DLGAP2: variants seen among roughly 807,000 people sequenced by gnomAD.
DLGAP2 encodes disks large-associated protein 2.
In DLGAP2, 26 loss-of-function variants were observed where a neutral mutation model predicts 100.3. The observed-to-expected ratio is 0.26, with a 90% CI of 0.19 to 0.36. DLGAP2 has a LOEUF of 0.36. Among genes scored for constraint, DLGAP2 ranks in the 10% least tolerant of loss-of-function variants. DLGAP2 has a pLI of 1.00. For missense variants in DLGAP2, 1,858 were observed against 1,453.2 expected (o/e 1.28, Z -4.53); for synonymous variants, 886 against 630.1 (o/e 1.41, Z -6.08).
intron 2 of DLGAP2, among the ~76,000 whole-genome samples, chr8:1,117,725 C>T (rs1805161887): frequency 6.6e-6 from 1 of 152,140 alleles, no homozygotes; most frequent in Admixed American, 6.5e-5. Flanking sequence ...GTTCTCCAGA[C>T]CAGGACTCTT....
chr8:786,593 A>G (rs1459184280), intron 1 of DLGAP2, among the ~76,000 whole-genome samples: 1 of 152,008 alleles, frequency 6.6e-6, no homozygotes, highest in Non-Finnish European at 1.5e-5. Flanking sequence ...CAGTTCCCTC[A>G]GAGACCCAGG....
chr8:765,238 T>C (rs1356077428), intron 1 of DLGAP2, among the ~76,000 whole-genome samples: 2 of 152,230 alleles, frequency 1.3e-5, no homozygotes, highest in Non-Finnish European at 2.9e-5. Context: ...AAAACCCTAA[T>C]ATGAGCTATA....
At chr8:1,506,588 T>C (rs961902416) in intron 4 of DLGAP2, among the ~76,000 whole-genome samples, 4 of 152,194 alleles carry the variant, frequency 2.6e-5, no homozygotes, top group Non-Finnish European at 5.9e-5. Context: ...GCATCCACAC[T>C]GCCCAAGACG....
chr8:1,336,897 A>C (rs1213295551), intron 3 of DLGAP2, among the ~76,000 whole-genome samples: 1 of 152,240 alleles, frequency 6.6e-6, no homozygotes, highest in South Asian at 2.1e-4. Context: ...TCAGAAAAAC[A>C]TGCTTTTCAC....
intron 3 of DLGAP2, among the ~76,000 whole-genome samples, chr8:1,308,952 GA>G (rs1800552631): frequency 6.6e-6 from 1 of 152,062 alleles, no homozygotes; most frequent in Admixed American, 6.5e-5. Context: ...ACATTCTGGA[GA>G]AAAATAAATG....
intron 2 of DLGAP2, among the ~76,000 whole-genome samples, chr8:1,023,900 T>TGTGTGTGTGC (rs1428174813): frequency 2.7e-5 from 4 of 146,764 alleles, no homozygotes; most frequent in Admixed American, 6.8e-5. Context: ...TGTGTGTGTG[T>TGTGTGTGTGC]AGTTTGCTTC....
chr8:1,023,857 ATGTGTGTGTGTGTGTGTGTG>A (rs149206104), intron 2 of DLGAP2, among the ~76,000 whole-genome samples: 1 of 128,942 alleles, frequency 7.8e-6, no homozygotes, highest in Admixed American at 8.2e-5. Flanking sequence ...AACTTTATAT[ATGTGTGTGTGTGTGTGTGTG>A]TGTGTGTGTG....
In DLGAP2 at chr8:1,202,241, AGTGTGTGTGTGT is replaced by A. The variant is rs36230610; in HGVS notation, c.74-56589_74-56578del. Among the ~76,000 whole-genome samples, 310 of 149,266 alleles carry A rather than the reference AGTGTGTGTGTGT, an allele frequency of 2.1e-3. 5 individuals are homozygous for A. In the East Asian group the frequency reaches 0.028, roughly 13 times the overall value. On this transcript the variant is annotated intron_variant, in intron 2 of 14. Coordinates refer to ENST00000637795, the MANE Select transcript of DLGAP2 (RefSeq NM_001346810.2). ...GCATGTATTCTGTATGTATAGATGC[AGTGTGTGTGTGT>A]GTGTGTGTGTGTGTGTGTGTCTGTG...
Position 1,565,773 on chromosome 8 carries a change from G to T in DLGAP2, c.1321G>T (p.Ala441Ser). ...AATGAGAAGTGGGAGTTACATTAAA[G>T]CCATGGGGGACGAGGAGAGCGGAGA... ...RRMRSGSYIK[A>S]MGDEESGESD... The change falls in exon 6 of 15, where the codon GCC (alanine) becomes TCC (serine). Residue 441 changes from alanine to serine, a missense_variant. Physicochemically the swap from Ala to Ser is moderately conservative, Grantham distance 99. Coordinates refer to ENST00000637795, the MANE Select transcript of DLGAP2 (RefSeq NM_001346810.2). The T allele has an allele frequency of 6.2e-7, 1 of 1,613,924 alleles. No homozygotes were observed. The highest frequency in any genetic ancestry group is 8.5e-7 in the Non-Finnish European group (1 of 1,179,874).
chr8:949,639 T>G (rs753446010), intron 2 of DLGAP2, among the ~76,000 whole-genome samples: 7 of 152,198 alleles, frequency 4.6e-5, no homozygotes, highest in Admixed American at 1.3e-4. Flanking sequence ...GGGTCACTCT[T>G]TTTCTGGCAG....
intron 3 of DLGAP2, among the ~76,000 whole-genome samples, chr8:1,423,854 G>T (rs1176517748): frequency 6.6e-6 from 1 of 152,192 alleles, no homozygotes; most frequent in East Asian, 1.9e-4. Context: ...AATGACACTT[G>T]CACGTCTACA....
intron 1 of DLGAP2, among the ~76,000 whole-genome samples, chr8:855,370 A>T (rs923421019): frequency 6.6e-6 from 1 of 152,260 alleles, no homozygotes; most frequent in Non-Finnish European, 1.5e-5. Flanking sequence ...CCCACTCAAC[A>T]CTGGGACCAA....
At chr8:906,563 G>C (rs1798385026) in intron 1 of DLGAP2, among the ~76,000 whole-genome samples, 1 of 152,190 alleles carries the variant, frequency 6.6e-6, no homozygotes, top group East Asian at 1.9e-4. Context: ...GCACTGTTGG[G>C]CATGGGGGCT....
intron 1 of DLGAP2, among the ~76,000 whole-genome samples, chr8:746,213 C>G (rs1033670884): frequency 6.6e-6 from 1 of 152,268 alleles, no homozygotes; most frequent in African/African-American, 2.4e-5. Flanking sequence ...CCCTTGCCTT[C>G]TCACACCCCA....
intron 5 of DLGAP2, among the ~76,000 whole-genome samples, chr8:1,562,137 G>C (rs1364156133): frequency 3.6e-5 from 1 of 27,864 alleles, no homozygotes; most frequent in African/African-American, 1.5e-4. Context: ...TCGTTACTGG[G>C]GGACTGTGTG....
intron 3 of DLGAP2, among the ~76,000 whole-genome samples, chr8:1,272,494 G>A (rs929225881): frequency 2.6e-5 from 4 of 151,716 alleles, no homozygotes; most frequent in African/African-American, 7.3e-5. Context: ...ACACATAAAC[G>A]TTTTATATAG....
chr8:849,641 G>A (rs1008846540), intron 1 of DLGAP2, among the ~76,000 whole-genome samples: 7 of 152,270 alleles, frequency 4.6e-5, no homozygotes, highest in South Asian at 4.2e-4. Flanking sequence ...TCTCCCAGCC[G>A]TCCTAATAGT....
rs186659516 is a variant in DLGAP2 at position 867,121 on chromosome 8, G to A, written c.19-40791G>A. On this transcript the variant is annotated intron_variant, in intron 1 of 14. Coordinates refer to ENST00000637795, the MANE Select transcript of DLGAP2 (RefSeq NM_001346810.2). ...TGCCGCCTACCGGCCGTCACCGTGG[G>A]CAAAGTGACCACAGACTTCTCAGTT... Among the ~76,000 whole-genome samples the A allele has an allele frequency of 3.1e-3, 467 of 152,346 alleles. 1 individual carries two copies. Among genetic ancestry groups the A allele is most frequent in the Non-Finnish European group, 4.7e-3 (319 of 68,042 alleles).
intron 3 of DLGAP2, among the ~76,000 whole-genome samples, chr8:1,355,936 C>T (rs951954515): frequency 6.6e-6 from 1 of 152,240 alleles, no homozygotes; most frequent in South Asian, 2.1e-4. Context: ...ACAGGCAATT[C>T]AAGTACATGC....
Sources: allele counts gnomAD v4.1 joint callset (sites outside exome capture counted in the v4.1 genomes callset), GRCh38; gene constraint gnomAD v4.1.1; transcripts MANE v1.5; gene names NCBI Gene and HGNC (gene_info 2026-07-23, HGNC 2026-07-21).